CYB5R1: variants seen among roughly 807,000 people sequenced by gnomAD.
The protein encoded by CYB5R1 is NADH-cytochrome b5 reductase 1.
In CYB5R1, 32 loss-of-function variants were observed where a neutral mutation model predicts 37.4. The observed-to-expected ratio is 0.86, with a 90% CI of 0.65 to 1.15. CYB5R1 has a LOEUF of 1.15. Ranked by LOEUF, CYB5R1 falls within the 50% of genes most tolerant of loss-of-function variation. The pLI, the probability that CYB5R1 is intolerant of heterozygous loss-of-function variation, is 0.00. For missense variants in CYB5R1, 345 were observed against 382.5 expected, an observed-to-expected ratio of 0.90 and a Z score of 0.82; for synonymous variants, 159 against 155.2, an observed-to-expected ratio of 1.02 and a Z score of -0.18.
Position 202,962,414 on chromosome 1 carries a change from T to C in CYB5R1, c.*113A>G. ...GCAGGTACTATCCAGATTTCAGCTCTAGATGTAACTGAAAAAACCTGAAAC... is the reference window on the plus strand; with the variant it reads ...GCAGGTACTATCCAGATTTCAGCTCCAGATGTAACTGAAAAAACCTGAAAC... On this transcript the variant is annotated 3_prime_UTR_variant, in exon 9 of 9. Coordinates refer to ENST00000367249, the MANE Select transcript of CYB5R1 (RefSeq NM_016243.3). The C allele has an allele frequency of 7.8e-7, 1 of 1,290,236 alleles. No homozygotes were observed. Among genetic ancestry groups the C allele is most frequent in the East Asian group, 2.3e-5 (1 of 42,660 alleles). The allele number at this position is 1,290,236 out of a possible 1,614,324, so 79.9% of individuals were successfully genotyped here.
intron 8 of CYB5R1, 171 bp from the exon 9 acceptor site, chr1:202,962,870 C>A (rs2232852): frequency 0.37 from 359,463 of 967,326 alleles, 70,283 homozygotes; most frequent in East Asian, 0.62. Context: ...TTAGCAGCAC[C>A]GCCATCCCTG....
Position 202,962,346 on chromosome 1 carries a change from C to G in CYB5R1, c.*181G>C. ...ATTTAGGAGGCCATCCAAGGAGTGACTGAGCCTTGGCCCTCTTCCATGGCT... is the reference window on the plus strand; with the variant it reads ...ATTTAGGAGGCCATCCAAGGAGTGAGTGAGCCTTGGCCCTCTTCCATGGCT... On this transcript the variant is annotated 3_prime_UTR_variant, in exon 9 of 9. Coordinates refer to ENST00000367249, the MANE Select transcript of CYB5R1 (RefSeq NM_016243.3). 1.3e-6 allele frequency: 1 copy of G among 743,806 alleles called. No homozygotes were observed. The allele number at this position is 743,806 out of a possible 1,614,324, so 46.1% of individuals were successfully genotyped here. A position where few individuals can be genotyped will look rare whatever the true frequency, so the allele number is the denominator to read the frequency against.
At chr1:202,963,839 C>T (rs574014504) in intron 6 of CYB5R1, 112 bp from the exon 7 acceptor site, 18 of 581,028 alleles carry the variant, frequency 3.1e-5, no homozygotes, top group Non-Finnish European at 4.9e-5. Context: ...CACTCCACTC[C>T]ATTTTCCTTT....
At position 202,962,697 on chromosome 1, in the gene CYB5R1, A is replaced by G. The variant is rs770198268; in HGVS notation, c.748T>C (p.Trp250Arg). 22 of 1,614,044 alleles carry G rather than the reference A, an allele frequency of 1.4e-5. No homozygotes were observed. The highest frequency in any genetic ancestry group is 1.9e-5 in the Non-Finnish European group (22 of 1,179,982). ...WFTLDHPPKD[W>R]AYSKGFVTAD... ...GTCACAAAGCCCTTGCTGTAGGCCCAATCTGAAGTATGGGGAGAAGAAAGT... is the reference window on the plus strand; with the variant it reads ...GTCACAAAGCCCTTGCTGTAGGCCCGATCTGAAGTATGGGGAGAAGAAAGT... The change falls in exon 9 of 9, where the codon TGG becomes CGG. Residue 250 changes from tryptophan (W) to arginine (R), a missense_variant and splice_region_variant. Trp to Arg is a moderately radical substitution (Grantham distance 101). Coordinates refer to ENST00000367249, the MANE Select transcript of CYB5R1 (RefSeq NM_016243.3).
chr1:202,967,190 C>T lies in CYB5R1; in HGVS notation c.15+1G>A, dbSNP rs112384957. On this transcript the variant is annotated splice_donor_variant, in intron 1 of 8. Coordinates refer to ENST00000367249, the MANE Select transcript of CYB5R1 (RefSeq NM_016243.3). LOFTEE classifies it high-confidence loss of function. ...TGGAGGATACTGAATGAGGGTCTTA[C>T]CGTCTGGATCCCCATGACGGAGCGC... 6.2e-7 allele frequency: 1 copy of T among 1,611,956 alleles called. No homozygotes were observed. Among genetic ancestry groups the T allele is most frequent in the Non-Finnish European group, 8.5e-7 (1 of 1,179,080 alleles).
chr1:202,962,543 A>G lies in CYB5R1; in HGVS notation c.902T>C (p.Met301Thr). 3.1e-6 allele frequency: 5 copies of G among 1,611,090 alleles called. No individual in the cohort carries two copies. Among genetic ancestry groups the G allele is most frequent in the Non-Finnish European group, 4.2e-6 (5 of 1,178,542 alleles). Residue 301 changes from methionine (M) to threonine (T), a missense_variant, in exon 9 of 9, where the codon ATG becomes ACG. Coordinates refer to ENST00000367249, the MANE Select transcript of CYB5R1 (RefSeq NM_016243.3). The stretch of plus-strand genomic sequence containing the variant: ...GGAGGATGCTCAGTAGGTGAATCGC[A>G]TCTTTTGTGAGTAGCCCAGTTTGTC... ...NLDKLGYSQKMRFTY is the reference protein window; with the variant it reads ...NLDKLGYSQKTRFTY
rs1034573108 is a variant in CYB5R1 at position 202,967,022 on chromosome 1, C to A, written c.16-124G>T. The A allele has an allele frequency of 2.1e-6, 3 of 1,442,650 alleles. No homozygotes were observed. In the African/African-American group the frequency reaches 4.2e-5, roughly 20 times the overall value. 89.4% of individuals were successfully genotyped at this position (1,442,650 alleles called of 1,614,324 possible). A position where few individuals can be genotyped will look rare whatever the true frequency, so the allele number is the denominator to read the frequency against. ...AGGCATGCCAAGGGCAGAGGGGTAACCTGGCGGAGTCCCGAGCCCGGATGT... is the reference window on the plus strand; with the variant it reads ...AGGCATGCCAAGGGCAGAGGGGTAAACTGGCGGAGTCCCGAGCCCGGATGT... On this transcript the variant is annotated intron_variant, in intron 1 of 8. Coordinates refer to ENST00000367249, the MANE Select transcript of CYB5R1 (RefSeq NM_016243.3).
chr1:202,963,196 G>C (rs201067717), intron 7 of CYB5R1, 31 bp from the exon 8 acceptor site: 21 of 1,552,486 alleles, frequency 1.4e-5, no homozygotes, highest in Non-Finnish European at 2.7e-6. Flanking sequence ...AAAGTCTTTA[G>C]GAGTCTTCTC....
At chr1:202,964,496 A>G in intron 6 of CYB5R1, 116 bp downstream of exon 6, 1 of 879,296 alleles carries the variant, frequency 1.1e-6, no homozygotes, top group South Asian at 1.4e-5. Flanking sequence ...GCATTGCTGG[A>G]AATCCCCTGA....
chr1:202,962,585 GCC>G lies in CYB5R1; in HGVS notation c.858_859del (p.Ala287LeufsTer41). 6.2e-7 allele frequency: 1 copy of G among 1,613,764 alleles called. No homozygotes were observed. The highest frequency in any genetic ancestry group is 8.5e-7 in the Non-Finnish European group (1 of 1,179,872). The stretch of plus-strand genomic sequence containing the variant: ...CAGTTTGTCCAAGTTGGGATGGCAG[GCC>G]AGCTGCACCATTGGGGGTGGCCCAC... On this transcript the variant is annotated frameshift_variant, in exon 9 of 9. Coordinates refer to ENST00000367249, the MANE Select transcript of CYB5R1 (RefSeq NM_016243.3). LOFTEE classifies it high-confidence loss of function.
chr1:202,964,834 T>C (rs1049740140), intron 5 of CYB5R1, 139 bp from the exon 6 acceptor site: 4 of 689,404 alleles, frequency 5.8e-6, no homozygotes, highest in African/African-American at 5.3e-5. Flanking sequence ...GGGTGGAAGC[T>C]TGAGTTGAGC....
Position 202,966,854 on chromosome 1 carries a change from C to A in CYB5R1, c.60G>T (p.Leu20=). The part of the protein sequence containing the change: ...LASLGVGLVT[L]LGLAVGSYLV... ...AGTAGGAGCCCACAGCCAGGCCGAG[C>A]AGAGTGACCAGCCCCACCCCCAGGG... Residue 20 remains leucine, a synonymous_variant, in exon 2 of 9, where the codon CTG becomes CTT. Transcript: ENST00000367249. 6.2e-7 allele frequency: 1 copy of A among 1,613,736 alleles called. No individual in the cohort carries two copies. The highest frequency in any genetic ancestry group is 8.5e-7 in the Non-Finnish European group (1 of 1,179,866).
rs1263583758 is a variant in CYB5R1, at chr1:202,966,552, G to A, written c.214C>T (p.His72Tyr). 3 of 1,614,150 alleles carry A rather than the reference G, an allele frequency of 1.9e-6. No individual in the cohort carries two copies. The highest frequency in any genetic ancestry group is 4.5e-5 in the East Asian group (2 of 44,876). ...KRFRFALPTA[H>Y]HTLGLPVGKH... ...CCCACAGGCAGCCCCAGAGTGTGGTGGGCGGTGGGCAGGGCAAAGCGGAAC... is the reference window on the plus strand; with the variant it reads ...CCCACAGGCAGCCCCAGAGTGTGGTAGGCGGTGGGCAGGGCAAAGCGGAAC... The change falls in exon 3 of 9, where the codon CAC (histidine) becomes TAC (tyrosine). Residue 72 changes from histidine to tyrosine, a missense_variant. His to Tyr is a moderately conservative substitution (Grantham distance 83). Transcript: ENST00000367249.
chr1:202,966,819 C>T lies in CYB5R1; in HGVS notation c.95G>A (p.Arg32Lys). The change falls in exon 2 of 9, where the codon AGG becomes AAG. Residue 32 changes from arginine (R) to lysine (K), a missense_variant. Coordinates refer to ENST00000367249, the MANE Select transcript of CYB5R1 (RefSeq NM_016243.3). The stretch of plus-strand genomic sequence containing the variant: ...GAGAGTGACCTGAGGCCGGCGGGAC[C>T]TCCGAACCAAGTAGGAGCCCACAGC... ...GLAVGSYLVR[R>K]SRRPQVTLLD... The T allele has an allele frequency of 6.2e-7, 1 of 1,614,158 alleles. No homozygotes were observed. Among genetic ancestry groups the T allele is most frequent in the Non-Finnish European group, 8.5e-7 (1 of 1,180,002 alleles).
At chr1:202,966,042 A>G (rs772717415) in intron 3 of CYB5R1, 49 bp from the exon 4 acceptor site, 1 of 1,180,200 alleles carries the variant, frequency 8.5e-7, no homozygotes, top group Non-Finnish European at 1.3e-6. Context: ...GATGTGCTGC[A>G]TCCCTCAAAA....
Position 202,965,502 on chromosome 1 carries a change from T to G in CYB5R1, c.346-2A>C. ...GGGGTGCACACCCTTCAGGTAGACC[T>G]TACAAGACAGAGAGAAAAATACCTT... is the stretch of plus-strand genomic sequence containing the variant. On this transcript the variant is annotated splice_acceptor_variant, in intron 4 of 8. Coordinates refer to ENST00000367249, the MANE Select transcript of CYB5R1 (RefSeq NM_016243.3). LOFTEE classifies it high-confidence loss of function. 1 of 1,575,488 alleles carries G rather than the reference T, an allele frequency of 6.3e-7. No homozygotes were observed. Among genetic ancestry groups the G allele is most frequent in the Non-Finnish European group, 8.6e-7 (1 of 1,165,780 alleles).
At position 202,965,925 on chromosome 1, in the gene CYB5R1, TGGTGACA is replaced by T. The variant is rs774207612; in HGVS notation, c.300_306del (p.Thr102MetfsTer15). 1 of 1,614,052 alleles carries T rather than the reference TGGTGACA, an allele frequency of 6.2e-7. No individual in the cohort carries two copies. The highest frequency in any genetic ancestry group is 1.1e-5 in the South Asian group (1 of 91,072). On this transcript the variant is annotated frameshift_variant, in exon 4 of 9. Coordinates refer to ENST00000367249, the MANE Select transcript of CYB5R1 (RefSeq NM_016243.3). LOFTEE classifies it high-confidence loss of function. ...TCCACATAGCCTTGATCCTCATCAC[TGGTGACA>T]GGAGTGTATGGCCTGATGACCAGGC...
At chr1:202,965,062 C>T (rs1655059204) in intron 5 of CYB5R1, 1 of 406,510 alleles carries the variant, frequency 2.5e-6, no homozygotes, top group East Asian at 5.0e-5. Flanking sequence ...GGGCTGAAAG[C>T]TATCTCTGGC....
chr1:202,965,751 GTC>G, intron 4 of CYB5R1, 134 bp downstream of exon 4: 1 of 722,100 alleles, frequency 1.4e-6, no homozygotes, highest in Admixed American at 2.8e-5. Flanking sequence ...TCCTGCCTCA[GTC>G]TCCTGAGTAG....
Sources: gnomAD v4.1 joint callset for allele counts on GRCh38, gnomAD v4.1.1 for gene constraint, MANE v1.5 for transcripts, NCBI Gene and HGNC (gene_info 2026-07-23, HGNC 2026-07-21) for gene names.